CALN1: variants seen among roughly 807,000 people sequenced by gnomAD.
The protein encoded by CALN1 is calneuron 1, also known as calcium-binding protein 8.
CALN1 carries 17 observed loss-of-function variants against 30.6 expected under a neutral mutation model. The ratio of observed to expected loss-of-function variants is 0.56; its 90% CI spans 0.38 to 0.83. The LOEUF is 0.83. Ranked by LOEUF, CALN1 falls within the 40% of genes least tolerant of loss-of-function variation. The pLI is 0.00. For missense variants in CALN1, 291 were observed against 354.9 expected (o/e 0.82, Z 1.45); for synonymous variants, 156 against 131.4 (o/e 1.19, Z -1.28).
At chr7:72,228,745 ATT>A (rs1562768714) in intron 3 of CALN1, among the ~76,000 whole-genome samples, 8 of 17,084 alleles carry the variant, frequency 4.7e-4, no homozygotes, top group Non-Finnish European at 7.7e-4. Flanking sequence ...TTATATATTT[ATT>A]TATTTATTTA....
At chr7:71,918,003 A>G (rs899025256) in intron 5 of CALN1, among the ~76,000 whole-genome samples, 1 of 152,222 alleles carries the variant, frequency 6.6e-6, no homozygotes, top group Non-Finnish European at 1.5e-5. Flanking sequence ...GATGGCATGC[A>G]TTATAAAATG....
At chr7:71,806,676 G>A (rs1313314719) in intron 6 of CALN1, among the ~76,000 whole-genome samples, 1 of 151,890 alleles carries the variant, frequency 6.6e-6, no homozygotes, top group Non-Finnish European at 1.5e-5. Flanking sequence ...TATTCTTTAG[G>A]TTCTGCATAT....
intron 2 of CALN1, among the ~76,000 whole-genome samples, chr7:72,331,995 C>G (rs1262235967): frequency 1.1e-4 from 16 of 152,186 alleles, no homozygotes; most frequent in Admixed American, 9.8e-4. Context: ...ATAATGGCCT[C>G]CAGCTCCATC....
chr7:72,058,607 C>T (rs556070558), intron 4 of CALN1, among the ~76,000 whole-genome samples: 5 of 152,208 alleles, frequency 3.3e-5, no homozygotes, highest in African/African-American at 1.2e-4. Flanking sequence ...GCACAAGCGA[C>T]CATGCCTGGT....
intron 2 of CALN1, among the ~76,000 whole-genome samples, chr7:72,290,077 CTT>C (rs1399223596): frequency 4.7e-5 from 3 of 64,450 alleles, no homozygotes; most frequent in Admixed American, 2.9e-4. Context: ...GAGACCCTGT[CTT>C]AAAAAAAAAA....
At chr7:72,329,298 TAAAG>T (rs1036976570) in intron 2 of CALN1, among the ~76,000 whole-genome samples, 6 of 152,242 alleles carry the variant, frequency 3.9e-5, no homozygotes, top group Admixed American at 2.0e-4. Context: ...CTCTGATGGA[TAAAG>T]ACTCACTTTA....
chr7:72,041,453 G>A (rs1042598587), intron 4 of CALN1, among the ~76,000 whole-genome samples: 10 of 151,888 alleles, frequency 6.6e-5, no homozygotes, highest in African/African-American at 7.3e-5. Flanking sequence ...GTACGATTTC[G>A]GCTCACTGCA....
the CALN1 span, among the ~76,000 whole-genome samples, chr7:72,500,902 T>G: frequency 1.3e-5 from 2 of 152,188 alleles, no homozygotes; most frequent in African/African-American, 4.8e-5. Context: ...TAAGAATGTT[T>G]ACATAAAATC....
At chr7:71,831,038 C>A (rs1789243838) in intron 5 of CALN1, among the ~76,000 whole-genome samples, 1 of 152,074 alleles carries the variant, frequency 6.6e-6, no homozygotes, top group African/African-American at 2.4e-5. Flanking sequence ...TCTGCCTCCT[C>A]ATGCACATAA....
chr7:72,389,843 CG>C (rs1442275863), intron 2 of CALN1, among the ~76,000 whole-genome samples: 1 of 151,212 alleles, frequency 6.6e-6, no homozygotes, highest in Non-Finnish European at 1.5e-5. Flanking sequence ...CCCTTGAACC[CG>C]GGAGGCGGAG....
At chr7:72,132,208 A>C (rs1196203517) in intron 3 of CALN1, among the ~76,000 whole-genome samples, 16 of 152,076 alleles carry the variant, frequency 1.1e-4, no homozygotes, top group Non-Finnish European at 1.5e-5. Context: ...AATACACCTA[A>C]CCTACTGAAC....
chr7:71,888,255 T>G (rs947598307), intron 5 of CALN1, among the ~76,000 whole-genome samples: 7 of 151,974 alleles, frequency 4.6e-5, no homozygotes, highest in African/African-American at 1.7e-4. Context: ...AAAAAGCATC[T>G]GAAAAACCAA....
intron 4 of CALN1, among the ~76,000 whole-genome samples, chr7:72,094,598 T>A (rs1806092661): frequency 6.6e-6 from 1 of 152,086 alleles, no homozygotes; most frequent in African/African-American, 2.4e-5. Context: ...TAGAAGGGAC[T>A]CAAATAGTCT....
chr7:72,056,881 T>C (rs114124545), intron 4 of CALN1, among the ~76,000 whole-genome samples: 3,036 of 152,184 alleles, frequency 0.02, 91 homozygotes, highest in African/African-American at 0.07. Flanking sequence ...ATTAAAGCAA[T>C]AGTGAGCTAG....
intron 5 of CALN1, among the ~76,000 whole-genome samples, chr7:72,001,968 AC>A (rs1382488371): frequency 2.0e-5 from 3 of 152,244 alleles, no homozygotes; most frequent in Admixed American, 6.5e-5. Flanking sequence ...AACAGAAAAA[AC>A]ATCTGACAAA....
the CALN1 span, among the ~76,000 whole-genome samples, chr7:72,489,234 A>G: frequency 2.6e-5 from 4 of 152,210 alleles, no homozygotes; most frequent in Non-Finnish European, 4.4e-5. Context: ...GAACAAGGGA[A>G]AATCATTCTC....
chr7:71,815,428 C>G (rs527661853), intron 5 of CALN1, among the ~76,000 whole-genome samples: 1 of 152,098 alleles, frequency 6.6e-6, no homozygotes, highest in Non-Finnish European at 1.5e-5. Flanking sequence ...CTGCCATTTC[C>G]CTTTCTCTTC....
chr7:72,107,215 C>T (rs547854790), intron 3 of CALN1, among the ~76,000 whole-genome samples: 13 of 152,190 alleles, frequency 8.5e-5, no homozygotes, highest in Admixed American at 7.2e-4. Context: ...AACTGCAGTC[C>T]TCAGGAGGAA....
At chr7:72,058,764 C>T (rs945384890) in intron 4 of CALN1, among the ~76,000 whole-genome samples, 13 of 152,150 alleles carry the variant, frequency 8.5e-5, no homozygotes, top group African/African-American at 2.7e-4. Context: ...ATGAAAAATA[C>T]GCCTTTGCCC....
Sources: gnomAD v4.1 joint callset for allele counts (sites outside exome capture counted in the v4.1 genomes callset) on GRCh38, gnomAD v4.1.1 for gene constraint, MANE v1.5 for transcripts, NCBI Gene and HGNC (gene_info 2026-07-23, HGNC 2026-07-21) for gene names.